OGDH: variants seen among roughly 807,000 people sequenced by gnomAD.
OGDH encodes the protein 2-oxoglutarate dehydrogenase complex component E1.
A neutral mutation model predicts 116.6 loss-of-function variants in OGDH; 38 were observed. The ratio of observed to expected loss-of-function variants is 0.33; its 90% CI spans 0.25 to 0.43. The LOEUF is 0.43. Ranked by LOEUF, OGDH falls within the 20% of genes least tolerant of loss-of-function variation. OGDH has a pLI of 1.00. For missense variants in OGDH, 825 were observed against 1,357.2 expected, an observed-to-expected ratio of 0.61 and a Z score of 6.16; for synonymous variants, 488 against 533.3, an observed-to-expected ratio of 0.92 and a Z score of 1.17.
chr7:44,674,201 C>T (rs111452241), intron 6 of OGDH, among the ~76,000 whole-genome samples: 203 of 152,306 alleles, frequency 1.3e-3, no homozygotes, highest in African/African-American at 4.2e-3. Flanking sequence ...CACACCACCA[C>T]GGCTGGCTAA....
At chr7:44,634,321 A>C (rs913734468) in intron 2 of OGDH, among the ~76,000 whole-genome samples, 1 of 152,248 alleles carries the variant, frequency 6.6e-6, no homozygotes, top group African/African-American at 2.4e-5. Flanking sequence ...AGCAAGTCAC[A>C]GACAACCCTT....
chr7:44,684,087 G>T (rs1369098827), intron 10 of OGDH, among the ~76,000 whole-genome samples: 1 of 152,178 alleles, frequency 6.6e-6, no homozygotes, highest in Non-Finnish European at 1.5e-5. Context: ...AAACTTCAAG[G>T]TCAGGTAGGC....
intron 10 of OGDH, among the ~76,000 whole-genome samples, chr7:44,682,877 G>T (rs746863216): frequency 2.0e-5 from 3 of 151,606 alleles, no homozygotes; most frequent in Non-Finnish European, 4.4e-5. Context: ...GGCTGGGCGT[G>T]GTGGCTCACA....
chr7:44,626,034 A>G (rs923401356), intron 2 of OGDH, among the ~76,000 whole-genome samples: 32 of 152,026 alleles, frequency 2.1e-4, no homozygotes, highest in African/African-American at 7.5e-4. Context: ...ACCAGGTCCC[A>G]TTTTTTCAGG....
chr7:44,638,054 A>G (rs999062739), intron 2 of OGDH, among the ~76,000 whole-genome samples: 2 of 152,008 alleles, frequency 1.3e-5, no homozygotes, highest in African/African-American at 4.8e-5. Flanking sequence ...AACCTTGCCC[A>G]CTTACCTTAA....
At chr7:44,617,894 A>G (rs947674903) in intron 1 of OGDH, among the ~76,000 whole-genome samples, 1 of 152,106 alleles carries the variant, frequency 6.6e-6, no homozygotes, top group Non-Finnish European at 1.5e-5. Context: ...TACCTAGCCA[A>G]TGTCATATTG....
chr7:44,694,406 T>C lies in OGDH; in HGVS notation c.1516-18T>C. The C allele has an allele frequency of 3.1e-6, 5 of 1,613,084 alleles. No individual in the cohort carries two copies. Among genetic ancestry groups the C allele is most frequent in the Non-Finnish European group, 4.2e-6 (5 of 1,179,650 alleles). On this transcript the variant is annotated intron_variant, in intron 11 of 22. Transcript: ENST00000222673. This position sits in a 1 kb window ranked among gnomAD's most constrained non-coding sequence, Gnocchi z 4.2. ...GGGCCAGCCCTTGTCTCTGACATCC[T>C]CTCACTGCTCTGAGCAGGTGTGTTA...
intron 9 of OGDH, among the ~76,000 whole-genome samples, chr7:44,677,624 T>C (rs1464182051): frequency 1.3e-5 from 2 of 151,920 alleles, no homozygotes; most frequent in African/African-American, 4.8e-5. Context: ...ATCCCAGCAC[T>C]TTGGGAGGCT....
In OGDH at chr7:44,681,819, G is replaced by A; in HGVS notation, c.1306G>A (p.Gly436Ser). Residue 436 changes from glycine to serine, a missense_variant, in exon 10 of 23, where the codon GGC (glycine) becomes AGC (serine). By Grantham distance (56) the Gly-to-Ser change is moderately conservative. Around this residue, in one of 7 missense-constraint regions of OGDH, gnomAD observed 146 missense variants for 317.3 expected, o/e 0.46. Coordinates refer to ENST00000222673, the MANE Select transcript of OGDH (RefSeq NM_002541.4). ...LSDLPSYTTH[G>S]TVHVVVNNQI... is the part of the protein sequence containing the mutation. The stretch of plus-strand genomic sequence containing the variant: ...CGACCTGCCATCCTACACAACTCAT[G>A]GCACCGTGCACGTGGTCGTCAACAA... The A allele has an allele frequency of 6.2e-7, 1 of 1,614,128 alleles. No homozygotes were observed. Among genetic ancestry groups the A allele is most frequent in the South Asian group, 1.1e-5 (1 of 91,080 alleles).
intron 3 of OGDH, among the ~76,000 whole-genome samples, 164 bp downstream of exon 3, chr7:44,645,682 C>T (rs1052548588): frequency 1.3e-5 from 2 of 152,158 alleles, no homozygotes; most frequent in African/African-American, 4.8e-5. Context: ...AACAAATACA[C>T]AAGAAAAAGA....
At chr7:44,614,748 T>A (rs1245562374) in intron 1 of OGDH, among the ~76,000 whole-genome samples, 2 of 152,128 alleles carry the variant, frequency 1.3e-5, no homozygotes, top group Non-Finnish European at 2.9e-5. Flanking sequence ...AGAATCTTTG[T>A]CAGATAATTG....
Position 44,697,572 on chromosome 7 carries a change from A to G in OGDH, c.2180-32A>G, listed in dbSNP as rs757947979. On this transcript the variant is annotated intron_variant, in intron 16 of 22. Coordinates refer to ENST00000222673, the MANE Select transcript of OGDH (RefSeq NM_002541.4). The surrounding 1 kb of genome is among the most constrained non-coding windows in gnomAD (Gnocchi z 6.0). ...CTGGGCCTACTGGCTGGTGTCCTGG[A>G]CATGGTTTTCTCCTTCCTTTGTCCC... 1.9e-6 allele frequency: 3 copies of G among 1,614,000 alleles called. No homozygotes were observed. Among genetic ancestry groups the G allele is most frequent in the South Asian group, 1.1e-5 (1 of 91,082 alleles).
chr7:44,631,006 G>A (rs929733684), intron 2 of OGDH, among the ~76,000 whole-genome samples: 3 of 152,150 alleles, frequency 2.0e-5, no homozygotes, highest in African/African-American at 7.2e-5. Context: ...AGGTGGTAAT[G>A]CTCGCTTGCC....
At chr7:44,660,652 G>A (rs1309838265) in intron 4 of OGDH, among the ~76,000 whole-genome samples, 2 of 152,156 alleles carry the variant, frequency 1.3e-5, no homozygotes, top group Non-Finnish European at 2.9e-5. Flanking sequence ...GCTAGAGCCA[G>A]GCATGGTGGT....
chr7:44,638,676 TCTCA>T (rs974971121), intron 2 of OGDH, among the ~76,000 whole-genome samples: 3 of 152,208 alleles, frequency 2.0e-5, no homozygotes, highest in Non-Finnish European at 4.4e-5. Context: ...GGCTTATTTT[TCTCA>T]CTCAGTAAGA....
chr7:44,628,759 A>C (rs1785303916), intron 2 of OGDH, among the ~76,000 whole-genome samples: 1 of 152,084 alleles, frequency 6.6e-6, no homozygotes, highest in Non-Finnish European at 1.5e-5. Flanking sequence ...CTCTTAAAAA[A>C]AACTTCTATT....
At chr7:44,615,714 C>G (rs1784741734) in intron 1 of OGDH, among the ~76,000 whole-genome samples, 1 of 152,142 alleles carries the variant, frequency 6.6e-6, no homozygotes, top group African/African-American at 2.4e-5. Flanking sequence ...GTACCCAGGT[C>G]TGAAACACAT....
At chr7:44,666,663 A>G (rs117664476) in intron 4 of OGDH, 73 bp from the exon 5 acceptor site, 5 of 718,752 alleles carry the variant, frequency 7.0e-6, no homozygotes, top group East Asian at 3.0e-5. Flanking sequence ...TCCCCTTTCC[A>G]TAAACTGTGG....
chr7:44,646,956 G>T (rs1283768423), intron 3 of OGDH, among the ~76,000 whole-genome samples: 1 of 152,100 alleles, frequency 6.6e-6, no homozygotes, highest in Non-Finnish European at 1.5e-5. Flanking sequence ...CTTTAAATTT[G>T]ATTTATTTTA....
Sources: allele counts gnomAD v4.1 joint callset (sites outside exome capture counted in the v4.1 genomes callset), GRCh38; gene constraint gnomAD v4.1.1; regional missense constraint gnomAD v4.1.1; non-coding constraint Gnocchi (gnomAD v3.1); transcripts MANE v1.5; gene names NCBI Gene and HGNC (gene_info 2026-07-23, HGNC 2026-07-21).